UVSSA: variants seen among roughly 807,000 people sequenced by gnomAD.
UVSSA encodes the protein UV-stimulated scaffold protein A.
Under a neutral mutation model 73.9 loss-of-function variants are expected in UVSSA, and 72 were observed. That is an observed-to-expected ratio of 0.97 (90% CI 0.81 to 1.19). UVSSA has a LOEUF of 1.19. Ranked by LOEUF, UVSSA falls within the 50% of genes most tolerant of loss-of-function variation. The pLI is 0.00. For synonymous variants in UVSSA, 454 were observed against 391.3 expected, an observed-to-expected ratio of 1.16 and a Z score of -1.89; for missense variants, 1,150 against 965.0, an observed-to-expected ratio of 1.19 and a Z score of -2.54.
downstream of UVSSA, chr4:1,390,078 T>C (rs1720371472): frequency 6.6e-6 from 1 of 152,226 alleles, no homozygotes; most frequent in South Asian, 2.1e-4. Context: ...CTTACTGATT[T>C]GAAATCTTTT....
In UVSSA at chr4:1,366,076, C is replaced by T. The variant is rs535341617; in HGVS notation, c.1177-244C>T. On this transcript the variant is annotated intron_variant, in intron 7 of 13. Transcript: ENST00000389851. ...TGGGGAGTCAGCCAGGGTTACAGTT[C>T]GTGGTTTTAACATAGACTCTAAACA... 17 of 324,206 alleles carry T rather than the reference C, an allele frequency of 5.2e-5. No homozygotes were observed. In the South Asian group the frequency reaches 1.0e-3, roughly 19 times the overall value. The allele number at this position is 324,206 out of a possible 1,614,324, so 20.1% of individuals were successfully genotyped here.
chr4:1,380,985 C>T lies in UVSSA; in HGVS notation c.1858C>T (p.Pro620Ser). ...QRRQLQKQERPEWQDPELMRD... is the reference protein window; with the variant it reads ...QRRQLQKQERSEWQDPELMRD... ...GCGGCAGCTGCAGAAGCAGGAGCGCCCGGGTAGGTCTGGGCAAGGCGGTCA... is the reference window on the plus strand; with the variant it reads ...GCGGCAGCTGCAGAAGCAGGAGCGCTCGGGTAGGTCTGGGCAAGGCGGTCA... The change falls in exon 12 of 14, where the codon CCG becomes TCG. Residue 620 changes from proline to serine, a missense_variant. Pro to Ser is a moderately conservative substitution (Grantham distance 74, BLOSUM62 -1). Coordinates refer to ENST00000389851, the MANE Select transcript of UVSSA (RefSeq NM_020894.4). 1 of 1,611,922 alleles carries T rather than the reference C, an allele frequency of 6.2e-7. No individual in the cohort carries two copies. Among genetic ancestry groups the T allele is most frequent in the Non-Finnish European group, 8.5e-7 (1 of 1,179,710 alleles).
At chr4:1,376,517 T>C (rs2109272039) in intron 10 of UVSSA, among the ~76,000 whole-genome samples, 1 of 152,334 alleles carries the variant, frequency 6.6e-6, no homozygotes, top group East Asian at 1.9e-4. Context: ...CACGGTTGGC[T>C]GAGGCCTGGG....
Position 1,385,997 on chromosome 4 carries a change from C to A in UVSSA, c.*36C>A. 2 of 1,606,064 alleles carry A rather than the reference C, an allele frequency of 1.2e-6. No individual in the cohort carries two copies. Among genetic ancestry groups the A allele is most frequent in the East Asian group, 2.2e-5 (1 of 44,842 alleles). ...CCAGTGCACTGGCCATCAGCACTTTCTCCCTCTGCCAGTGTCTCAGGACAG... is the reference window on the plus strand; with the variant it reads ...CCAGTGCACTGGCCATCAGCACTTTATCCCTCTGCCAGTGTCTCAGGACAG... On this transcript the variant is annotated 3_prime_UTR_variant, in exon 14 of 14. Transcript: ENST00000389851.
rs572043383 is a variant in UVSSA, at chr4:1,386,755, C to G, written c.*794C>G. The G allele has an allele frequency of 7.9e-5, 12 of 151,634 alleles. No individual in the cohort carries two copies. Among genetic ancestry groups the G allele is most frequent in the African/African-American group, 2.9e-4 (12 of 41,224 alleles). The allele number at this position is 151,634 out of a possible 1,614,324, so 9.4% of individuals were successfully genotyped here. Reference sequence around the variant, plus strand: ...TTCCTTTTAGAGATGGGCTTTTGCTCTTACCCAGGCTGAGTGCAGTGGCAG... The same window carrying G: ...TTCCTTTTAGAGATGGGCTTTTGCTGTTACCCAGGCTGAGTGCAGTGGCAG... On this transcript the variant is annotated 3_prime_UTR_variant, in exon 14 of 14. Coordinates refer to ENST00000389851, the MANE Select transcript of UVSSA (RefSeq NM_020894.4).
chr4:1,385,531 G>T (rs375960597), intron 13 of UVSSA: 94 of 325,654 alleles, frequency 2.9e-4, no homozygotes, highest in African/African-American at 1.9e-3. Context: ...GCCGCTCCCC[G>T]GGAGGCCAAG....
chr4:1,346,704 T>C (rs2109036876), upstream of UVSSA, among the ~76,000 whole-genome samples: 1 of 151,622 alleles, frequency 6.6e-6, no homozygotes, highest in South Asian at 2.1e-4. Context: ...GTCTGGGCGG[T>C]CCTCACCGGC....
chr4:1,344,777 C>G (rs1044811452), upstream of UVSSA, among the ~76,000 whole-genome samples: 3 of 152,168 alleles, frequency 2.0e-5, no homozygotes, highest in African/African-American at 7.2e-5. Context: ...GCCCTGGGAA[C>G]AAGCACGGCA....
chr4:1,349,099 T>TACGGTTTGTGCCGGGCGGTGG (rs372080243), intron 2 of UVSSA, among the ~76,000 whole-genome samples: 2 of 151,592 alleles, frequency 1.3e-5, no homozygotes, highest in Non-Finnish European at 2.9e-5. Flanking sequence ...CCGGGCGGTG[T>TACGGTTTGTGCCGGGCGGTGG]GTGTTGCGCT....
intron 12 of UVSSA, among the ~76,000 whole-genome samples, chr4:1,381,329 G>C (rs570515949): frequency 6.6e-6 from 1 of 152,258 alleles, no homozygotes; most frequent in Non-Finnish European, 1.5e-5. Context: ...TAAGGCGAGA[G>C]AAGTGATTGG....
chr4:1,370,150 T>G (rs1329466870), intron 8 of UVSSA, among the ~76,000 whole-genome samples: 1 of 152,224 alleles, frequency 6.6e-6, no homozygotes, highest in Non-Finnish European at 1.5e-5. Flanking sequence ...AAAATATATT[T>G]CATTCTTGTA....
rs77405411 is a variant in UVSSA at position 1,372,840 on chromosome 4, G to A, written c.1289-2524G>A. The stretch of plus-strand genomic sequence containing the variant: ...AGGGCACTCACCTCCCGCGTCTCAG[G>A]GCACTCACCTCCCGCGTCCCTGCAC... On this transcript the variant is annotated intron_variant, in intron 8 of 13. Coordinates refer to ENST00000389851, the MANE Select transcript of UVSSA (RefSeq NM_020894.4). 4.2e-3 allele frequency among the ~76,000 whole-genome samples: 36 copies of A among 8,526 alleles called. 6 individuals are homozygous for A. Among genetic ancestry groups the A allele is most frequent in the African/African-American group, 0.013 (29 of 2,230 alleles). 5.6% of individuals were successfully genotyped at this position (8,526 alleles called of 152,430 possible).
intron 2 of UVSSA, 64 bp downstream of exon 2, chr4:1,348,253 C>G (rs1714037729): frequency 7.8e-7 from 1 of 1,283,630 alleles, no homozygotes; most frequent in Admixed American, 1.7e-5. Context: ...CACACAGGGC[C>G]CTGCCCTCCT....
intron 7 of UVSSA, among the ~76,000 whole-genome samples, chr4:1,365,586 C>T (rs1192187105): frequency 6.6e-6 from 1 of 152,236 alleles, no homozygotes; most frequent in Non-Finnish European, 1.5e-5. Flanking sequence ...TCCCCCCACA[C>T]CTACCCTGGC....
rs1409595608 is a variant in UVSSA, at chr4:1,372,797, ACTCACCTCC to A, written c.1289-2565_1289-2557del. Among the ~76,000 whole-genome samples, 11 of 51,810 alleles carry A rather than the reference ACTCACCTCC, an allele frequency of 2.1e-4. 2 individuals carry two copies. Among genetic ancestry groups the A allele is most frequent in the African/African-American group, 6.7e-4 (10 of 14,904 alleles). The allele number at this position is 51,810 out of a possible 152,430, so 34.0% of individuals were successfully genotyped here. A position where few individuals can be genotyped will look rare whatever the true frequency, so the allele number is the denominator to read the frequency against. On this transcript the variant is annotated intron_variant, in intron 8 of 13. Coordinates refer to ENST00000389851, the MANE Select transcript of UVSSA (RefSeq NM_020894.4). Reference sequence around the variant, plus strand: ...GGGCACTCACCTCCCGCGTCCCTGCACTCACCTCCCGCGTCTCAGGGCACTCACCTCCCG... The same window carrying A: ...GGGCACTCACCTCCCGCGTCCCTGCACGCGTCTCAGGGCACTCACCTCCCG...
chr4:1,384,080 C>A, intron 13 of UVSSA, 140 bp downstream of exon 13: 1 of 1,152,434 alleles, frequency 8.7e-7, no homozygotes, highest in Non-Finnish European at 1.2e-6. Context: ...CCTGGGGGAC[C>A]ACCCAGCCTT....
rs148884141 is a variant in UVSSA at position 1,387,723 on chromosome 4, G to A, written c.*1762G>A. 7.2e-5 allele frequency: 11 copies of A among 152,142 alleles called. No individual in the cohort carries two copies. Among genetic ancestry groups the A allele is most frequent in the South Asian group, 2.1e-4 (1 of 4,822 alleles). 9.4% of individuals were successfully genotyped at this position (152,142 alleles called of 1,614,324 possible). A position where few individuals can be genotyped will look rare whatever the true frequency, so the allele number is the denominator to read the frequency against. The stretch of plus-strand genomic sequence containing the variant: ...TATTTTTCCCCATTGAATTATCTTC[G>A]CACCATTATTGATAATCAGTTGACC... On this transcript the variant is annotated 3_prime_UTR_variant, in exon 14 of 14. Transcript: ENST00000389851.
At chr4:1,348,244 A>C in intron 2 of UVSSA, 55 bp downstream of exon 2, 1 of 1,407,246 alleles carries the variant, frequency 7.1e-7, no homozygotes, top group African/African-American at 1.4e-5. Flanking sequence ...CCCAGGACAC[A>C]CACAGGGCCC....
At chr4:1,377,659 G>T (rs1560477987) in intron 10 of UVSSA, among the ~76,000 whole-genome samples, 3 of 151,864 alleles carry the variant, frequency 2.0e-5, no homozygotes, top group African/African-American at 4.8e-5. Context: ...TTTGCCCTGA[G>T]CCCCCAGGCA....
Sources: allele counts gnomAD v4.1 joint callset (sites outside exome capture counted in the v4.1 genomes callset), GRCh38; gene constraint gnomAD v4.1.1; transcripts MANE v1.5; gene names NCBI Gene and HGNC (gene_info 2026-07-23, HGNC 2026-07-21).